PRKN: variants seen among roughly 807,000 people sequenced by gnomAD.
The protein encoded by PRKN is parkin RBR E3 ubiquitin protein ligase.
Under a neutral mutation model 59.5 loss-of-function variants are expected in PRKN, and 56 were observed. The ratio of observed to expected loss-of-function variants is 0.94; its 90% confidence interval spans 0.76 to 1.18. The LOEUF (loss-of-function observed/expected upper bound fraction) is 1.18. Among genes scored for constraint, PRKN ranks in the 50% most tolerant of loss-of-function variants. PRKN has a pLI of 0.00. For missense variants in PRKN, 657 were observed against 596.4 expected (o/e 1.10, Z -1.06); for synonymous variants, 250 against 222.1 (o/e 1.13, Z -1.12).
rs568424387 is a variant in PRKN, at chr6:162,701,158, G to C, written c.7+26504C>G. Among the ~76,000 whole-genome samples, 14 of 152,224 alleles carry C rather than the reference G, an allele frequency of 9.2e-5. No individual in the cohort carries two copies. The South Asian group carries it at 1.9e-3, about 20-fold the overall frequency. On this transcript the variant is annotated intron_variant, in intron 1 of 11. Coordinates refer to ENST00000366898, the MANE Select transcript of PRKN (RefSeq NM_004562.3). ...ATATACCAGTCAAAGTCAAATTTAT[G>C]AAATGTGATTTTTGTCTACTGCCAA...
In PRKN at chr6:162,213,844, CACACACACACACACAT is replaced by C. The variant is rs1403958442; in HGVS notation, c.413-12608_413-12593del. On this transcript the variant is annotated intron_variant, in intron 3 of 11. Coordinates refer to ENST00000366898, the MANE Select transcript of PRKN (RefSeq NM_004562.3). ...ACACACACACACACACACACACACACACACACACACACACATATGAATAGTAAGAAGTAATAGAGTC... is the reference window on the plus strand; with the variant it reads ...ACACACACACACACACACACACACACATGAATAGTAAGAAGTAATAGAGTC... 9.5e-3 allele frequency among the ~76,000 whole-genome samples: 1,153 copies of C among 121,588 alleles called. 17 individuals carry two copies. Among genetic ancestry groups the C allele is most frequent in the African/African-American group, 0.033 (1,050 of 31,574 alleles). The allele number at this position is 121,588 out of a possible 152,430, so 79.8% of individuals were successfully genotyped here.
At chr6:162,166,183 A>G (rs1782982257) in intron 4 of PRKN, among the ~76,000 whole-genome samples, 1 of 152,086 alleles carries the variant, frequency 6.6e-6, no homozygotes, top group Admixed American at 6.6e-5. Flanking sequence ...GTGTCCCTCT[A>G]CAGTAGACAA....
intron 5 of PRKN, among the ~76,000 whole-genome samples, chr6:162,010,198 TTC>T: frequency 7.2e-6 from 1 of 138,118 alleles, no homozygotes; most frequent in South Asian, 2.1e-4. Flanking sequence ...TGGAACAAAT[TTC>T]TGATATATAT....
At chr6:162,475,068 G>A (rs1200166258) in intron 1 of PRKN, among the ~76,000 whole-genome samples, 3 of 152,056 alleles carry the variant, frequency 2.0e-5, no homozygotes, top group Non-Finnish European at 4.4e-5. Context: ...CTTCTGATAT[G>A]CTTCACATAG....
chr6:162,487,917 C>A (rs1379322484), intron 1 of PRKN, among the ~76,000 whole-genome samples: 1 of 150,658 alleles, frequency 6.6e-6, no homozygotes, highest in Non-Finnish European at 1.5e-5. Context: ...TCTCTACTTT[C>A]AAAAAATAAT....
At chr6:161,508,755 CT>C (rs11393477) in intron 9 of PRKN, among the ~76,000 whole-genome samples, 19 of 152,042 alleles carry the variant, frequency 1.2e-4, no homozygotes, top group East Asian at 7.7e-4. Context: ...CTGTAGCCTA[CT>C]TTTTTTCCCC....
chr6:162,320,362 C>CAAAAAA (rs55793911), intron 2 of PRKN, among the ~76,000 whole-genome samples: 1 of 7,286 alleles, frequency 1.4e-4, no homozygotes, highest in Non-Finnish European at 2.5e-4. Flanking sequence ...TACAAAAAGC[C>CAAAAAA]AAAAAAAAAA....
chr6:162,413,441 T>C (rs1788449310), intron 2 of PRKN, among the ~76,000 whole-genome samples: 1 of 151,980 alleles, frequency 6.6e-6, no homozygotes, highest in Non-Finnish European at 1.5e-5. Flanking sequence ...AGGAAGAAAA[T>C]AGAAAAAAGT....
At chr6:162,634,464 A>T (rs1386916415) in intron 1 of PRKN, among the ~76,000 whole-genome samples, 1 of 152,110 alleles carries the variant, frequency 6.6e-6, no homozygotes, top group African/African-American at 2.4e-5. Context: ...CATAGCTGTG[A>T]TCACTTCCCA....
chr6:161,640,439 T>C (rs1783697401), intron 7 of PRKN, among the ~76,000 whole-genome samples: 1 of 152,226 alleles, frequency 6.6e-6, no homozygotes, highest in South Asian at 2.1e-4. Context: ...CAGCTGCTTA[T>C]GCTTAGCTGT....
intron 4 of PRKN, among the ~76,000 whole-genome samples, chr6:162,082,268 G>A (rs1377673192): frequency 6.6e-6 from 1 of 152,098 alleles, no homozygotes; most frequent in Admixed American, 6.5e-5. Flanking sequence ...CGGGCACCAT[G>A]TGAGATGTGC....
At chr6:161,755,661 A>G (rs1788886433) in intron 7 of PRKN, among the ~76,000 whole-genome samples, 1 of 152,152 alleles carries the variant, frequency 6.6e-6, no homozygotes, top group Non-Finnish European at 1.5e-5. Context: ...ACAGTGCAAA[A>G]TGGATAGTAG....
At chr6:162,207,688 C>A (rs1785009590) in intron 3 of PRKN, among the ~76,000 whole-genome samples, 1 of 152,264 alleles carries the variant, frequency 6.6e-6, no homozygotes, top group Middle Eastern at 3.4e-3. Flanking sequence ...CTCATGTGCA[C>A]ACCACTGGCC....
intron 7 of PRKN, among the ~76,000 whole-genome samples, chr6:161,768,089 T>C (rs969920433): frequency 2.1e-5 from 3 of 145,912 alleles, no homozygotes; most frequent in East Asian, 2.0e-4. Flanking sequence ...TTTTTTTTTT[T>C]CTGCAGCGTA....
chr6:161,777,072 C>T (rs1789956365), intron 7 of PRKN, among the ~76,000 whole-genome samples: 1 of 152,126 alleles, frequency 6.6e-6, no homozygotes, highest in South Asian at 2.1e-4. Context: ...GCTTTGTACA[C>T]CAGCATGTGC....
rs986335479 is a variant in PRKN, at chr6:161,461,660, T to C, written c.1084-74783A>G. On this transcript the variant is annotated intron_variant, in intron 9 of 11. Transcript: ENST00000366898. The surrounding 1 kb of genome is among the most constrained non-coding windows in gnomAD (Gnocchi z 5.1). ...CACGGAGGATTCTAAGTGCCACTCA[T>C]TGCAAGGACCGAGGTAAGAAGAGAC... Among the ~76,000 whole-genome samples, 14 of 152,102 alleles carry C rather than the reference T, an allele frequency of 9.2e-5. No homozygotes were observed.
At chr6:162,604,542 G>A (rs897651475) in intron 1 of PRKN, among the ~76,000 whole-genome samples, 2 of 152,014 alleles carry the variant, frequency 1.3e-5, no homozygotes, top group African/African-American at 2.4e-5. Context: ...ATAAATTTTA[G>A]AGCATATTTC....
At chr6:162,554,849 G>A (rs1167061051) in intron 1 of PRKN, among the ~76,000 whole-genome samples, 3 of 152,080 alleles carry the variant, frequency 2.0e-5, no homozygotes, top group Non-Finnish European at 4.4e-5. Context: ...TTAACAATGG[G>A]GTTTGTGATT....
Position 161,349,791 on chromosome 6 carries a change from G to T in PRKN, c.*308C>A. 2.0e-6 allele frequency: 1 copy of T among 493,160 alleles called. No individual in the cohort carries two copies. The highest frequency in any genetic ancestry group is 2.1e-5 in the South Asian group (1 of 47,834). 30.5% of individuals were successfully genotyped at this position (493,160 alleles called of 1,614,324 possible). A position where few individuals can be genotyped will look rare whatever the true frequency, so the allele number is the denominator to read the frequency against. ...CACTTGAATCTGTGCTCTGGTATTT[G>T]TGTCATCCGGAGGCTGAGAACGCCT... On this transcript the variant is annotated 3_prime_UTR_variant, in exon 12 of 12. Transcript: ENST00000366898. This position sits in a 1 kb window ranked among gnomAD's most constrained non-coding sequence, Gnocchi z 5.5.
Sources: gnomAD v4.1 joint callset for allele counts (sites outside exome capture counted in the v4.1 genomes callset) on GRCh38, gnomAD v4.1.1 for gene constraint, Gnocchi (gnomAD v3.1) non-coding constraint, MANE v1.5 for transcripts, NCBI Gene and HGNC (gene_info 2026-07-23, HGNC 2026-07-21) for gene names.